GRIN2B: variants seen among roughly 807,000 people sequenced by gnomAD.
The protein encoded by GRIN2B is glutamate ionotropic receptor NMDA type subunit 2B.
In GRIN2B, 5 loss-of-function variants were observed where a neutral mutation model predicts 114.5. That is an observed-to-expected ratio of 0.04 (90% confidence interval 0.02 to 0.09). The LOEUF (loss-of-function observed/expected upper bound fraction) is 0.09, where lower values mean the gene tolerates loss of function less well. GRIN2B is among the 10% of genes least tolerant of loss of function. GRIN2B has a pLI of 1.00. For missense variants in GRIN2B, 1,108 were observed against 1,943.5 expected, an observed-to-expected ratio of 0.57 and a Z score of 8.08; for synonymous variants, 787 against 745.1, an observed-to-expected ratio of 1.06 and a Z score of -0.92.
At chr12:13,619,955 C>G (rs1295951144) in intron 5 of GRIN2B, among the ~76,000 whole-genome samples, 1 of 152,204 alleles carries the variant, frequency 6.6e-6, no homozygotes, top group East Asian at 1.9e-4. Context: ...GGAAAAGACA[C>G]TATCCATCGA....
intron 10 of GRIN2B, among the ~76,000 whole-genome samples, chr12:13,587,263 A>AGTGG (rs1251148167): frequency 2.6e-4 from 39 of 151,794 alleles, no homozygotes; most frequent in African/African-American, 9.4e-4. Flanking sequence ...GTCTTTAACA[A>AGTGG]TATACCACTC....
chr12:13,566,707 C>T (rs530510862), intron 13 of GRIN2B, among the ~76,000 whole-genome samples: 1 of 152,320 alleles, frequency 6.6e-6, no homozygotes, highest in Non-Finnish European at 1.5e-5. Context: ...ACAATTTATA[C>T]AGAACCAACT....
chr12:13,671,632 T>G (rs542320023), intron 5 of GRIN2B, among the ~76,000 whole-genome samples: 8 of 152,172 alleles, frequency 5.3e-5, no homozygotes, highest in Non-Finnish European at 1.2e-4. Context: ...GGGTGCTCAC[T>G]CCAGAGGAGG....
chr12:13,579,893 A>T (rs1472818583), intron 10 of GRIN2B, among the ~76,000 whole-genome samples: 1 of 152,218 alleles, frequency 6.6e-6, no homozygotes, highest in African/African-American at 2.4e-5. Context: ...GGCTGAATTG[A>T]AGCTGGCAGG....
chr12:13,789,905 G>T (rs1795887042), intron 3 of GRIN2B, among the ~76,000 whole-genome samples: 1 of 152,098 alleles, frequency 6.6e-6, no homozygotes, highest in Non-Finnish European at 1.5e-5. Flanking sequence ...ATGTGCAAGG[G>T]CCCCAGAACA....
rs55893904 is a variant in GRIN2B, at chr12:13,825,496, T to TTGTGTGTGTGTGTGTGTG, written c.411+40284_411+40301dup. Among the ~76,000 whole-genome samples the TTGTGTGTGTGTGTGTGTG allele has an allele frequency of 1.1e-3, 140 of 122,962 alleles. 1 individual carries two copies. The highest frequency in any genetic ancestry group is 1.7e-3 in the African/African-American group (55 of 32,094). 80.7% of individuals were successfully genotyped at this position (122,962 alleles called of 152,430 possible). A position where few individuals can be genotyped will look rare whatever the true frequency, so the allele number is the denominator to read the frequency against. ...TATATATAATAAATATATATATATT[T>TTGTGTGTGTGTGTGTGTG]TGTGTGTGTGTGTGTGTGTGTGTGT... On this transcript the variant is annotated intron_variant, in intron 3 of 13. Coordinates refer to ENST00000609686, the MANE Select transcript of GRIN2B (RefSeq NM_000834.5).
rs745916894 is a variant in GRIN2B, at chr12:13,616,526, C to T, written c.1257G>A (p.Val419=). ...TTCCACTCAGAGGGTCCACACTTTC[C>T]ACAATGACAAATGGTGCCTCCTCCA... ...VTLEEAPFVI[V]ESVDPLSGTC... Residue 419 remains valine (V), a synonymous_variant, in exon 6 of 14, where the codon GTG becomes GTA. Coordinates refer to ENST00000609686, the MANE Select transcript of GRIN2B (RefSeq NM_000834.5). 6.2e-7 allele frequency: 1 copy of T among 1,614,112 alleles called. No individual in the cohort carries two copies.
At chr12:13,906,979 A>G (rs1866546834) in intron 2 of GRIN2B, among the ~76,000 whole-genome samples, 1 of 152,240 alleles carries the variant, frequency 6.6e-6, no homozygotes, top group African/African-American at 2.4e-5. Flanking sequence ...AAAACTATGC[A>G]GATTACTTAA....
chr12:13,782,719 G>A (rs1045849308), intron 3 of GRIN2B, among the ~76,000 whole-genome samples: 3 of 152,104 alleles, frequency 2.0e-5, no homozygotes, highest in African/African-American at 4.8e-5. Flanking sequence ...TCACTCAGGC[G>A]AATCAAACTT....
At chr12:13,566,661 T>A (rs1948645034) in intron 13 of GRIN2B, among the ~76,000 whole-genome samples, 1 of 152,240 alleles carries the variant, frequency 6.6e-6, no homozygotes, top group South Asian at 2.1e-4. Flanking sequence ...ATTATTTAAA[T>A]AGAAATGTAC....
intron 3 of GRIN2B, among the ~76,000 whole-genome samples, chr12:13,862,950 C>T (rs2136743009): frequency 6.6e-6 from 1 of 152,308 alleles, no homozygotes; most frequent in South Asian, 2.1e-4. Flanking sequence ...TTCTTCTTTT[C>T]CCTCTTGCTG....
At chr12:13,732,023 G>T (rs1453485823) in intron 4 of GRIN2B, among the ~76,000 whole-genome samples, 1 of 152,080 alleles carries the variant, frequency 6.6e-6, no homozygotes, top group Non-Finnish European at 1.5e-5. Flanking sequence ...AACTAACTAG[G>T]CTGTTTCATA....
intron 3 of GRIN2B, among the ~76,000 whole-genome samples, chr12:13,825,493 A>ATATATATTTTTT (rs1555144006): frequency 0.017 from 485 of 28,110 alleles, 4 homozygotes; most frequent in Middle Eastern, 0.029. Flanking sequence ...ATATATATAT[A>ATATATATTTTTT]TTTTGTGTGT....
intron 3 of GRIN2B, among the ~76,000 whole-genome samples, chr12:13,764,370 G>A (rs1208054927): frequency 2.0e-5 from 3 of 152,302 alleles, no homozygotes; most frequent in African/African-American, 7.2e-5. Flanking sequence ...AGCCCAGGCT[G>A]TGACCTCTTC....
At chr12:13,667,475 A>G (rs1438887536) in intron 5 of GRIN2B, among the ~76,000 whole-genome samples, 1 of 152,166 alleles carries the variant, frequency 6.6e-6, no homozygotes, top group Admixed American at 6.5e-5. Context: ...TCACTTTAAA[A>G]AGCAATCTTA....
chr12:13,791,241 A>T (rs1215311659), intron 3 of GRIN2B, among the ~76,000 whole-genome samples: 1 of 151,986 alleles, frequency 6.6e-6, no homozygotes, highest in Admixed American at 6.6e-5. Flanking sequence ...AGGCGGGCGG[A>T]TCATGAGGTC....
In GRIN2B at chr12:13,737,729, A is replaced by G. The variant is rs575365207; in HGVS notation, c.1010+15588T>C. On this transcript the variant is annotated intron_variant, in intron 4 of 13. Coordinates refer to ENST00000609686, the MANE Select transcript of GRIN2B (RefSeq NM_000834.5). ...TGAAGCCAATGATAAAAATTACCTAATAATCTCCTACTTGTTAAGTGTACC... is the reference window on the plus strand; with the variant it reads ...TGAAGCCAATGATAAAAATTACCTAGTAATCTCCTACTTGTTAAGTGTACC... 2.0e-3 allele frequency among the ~76,000 whole-genome samples: 299 copies of G among 152,294 alleles called. 1 individual carries two copies. The highest frequency in any genetic ancestry group is 6.7e-3 in the African/African-American group (280 of 41,562).
At chr12:13,571,719 G>A in intron 11 of GRIN2B, 85 bp downstream of exon 11, 2 of 1,316,996 alleles carry the variant, frequency 1.5e-6, no homozygotes, top group Non-Finnish European at 2.2e-6. Flanking sequence ...ACCAAGCATG[G>A]TATACCTAGT....
Position 13,608,741 on chromosome 12 carries a change from C to G in GRIN2B, c.1872G>C (p.Lys624Asn). 6.2e-7 allele frequency: 1 copy of G among 1,614,120 alleles called. No homozygotes were observed. The highest frequency in any genetic ancestry group is 8.5e-7 in the Non-Finnish European group (1 of 1,179,984). Residue 624 changes from lysine (K) to asparagine (N), a missense_variant, in exon 10 of 14, where the codon AAG (lysine) becomes AAC (asparagine). Coordinates refer to ENST00000609686, the MANE Select transcript of GRIN2B (RefSeq NM_000834.5). ...FNNSVPVQNPKGTTSKIMVSV... is the reference protein window; with the variant it reads ...FNNSVPVQNPNGTTSKIMVSV... ...ACACCATGATCTTGGAGGTGGTCCC[C>G]TTTGGGTTCTGCACAGGTACGGAGT...
Sources: allele counts gnomAD v4.1 joint callset (sites outside exome capture counted in the v4.1 genomes callset), GRCh38; gene constraint gnomAD v4.1.1; transcripts MANE v1.5; gene names NCBI Gene and HGNC (gene_info 2026-07-23, HGNC 2026-07-21).